Variants in AGK observed in about 807,000 individuals in gnomAD.
AGK encodes the protein acylglycerol kinase, mitochondrial.
In AGK, 52 loss-of-function variants were observed where a neutral mutation model predicts 66.4. The ratio of observed to expected loss-of-function variants is 0.78; its 90% confidence interval spans 0.63 to 0.99. AGK has a LOEUF of 0.99. Ranked by LOEUF, AGK falls within the 50% of genes least tolerant of loss-of-function variation. The probability of loss-of-function intolerance (pLI) is 0.00; values close to 1 mark genes in which losing one functional copy is unlikely to be tolerated. For missense variants in AGK, 451 were observed against 506.6 expected (o/e 0.89, Z 1.05); for synonymous variants, 182 against 181.1 (o/e 1.00, Z -0.04).
chr7:141,636,928 C>T, intron 10 of AGK, 32 bp from the exon 11 acceptor site: 1 of 1,571,214 alleles, frequency 6.4e-7, no homozygotes. Context: ...TTTTGATATT[C>T]TTATCAGATT....
chr7:141,628,328 T>C (rs769106698), intron 9 of AGK, among the ~76,000 whole-genome samples: 1 of 152,240 alleles, frequency 6.6e-6, no homozygotes, highest in Non-Finnish European at 1.5e-5. Context: ...AATCAGTTCC[T>C]AGAAAACGTG....
chr7:141,612,279 A>G (rs899014868), intron 6 of AGK, among the ~76,000 whole-genome samples: 5 of 152,216 alleles, frequency 3.3e-5, no homozygotes, highest in African/African-American at 4.8e-5. Flanking sequence ...AGGCAAAACT[A>G]TGGAGGCAGT....
At chr7:141,559,730 C>T (rs1042666035) in intron 2 of AGK, among the ~76,000 whole-genome samples, 3 of 152,000 alleles carry the variant, frequency 2.0e-5, no homozygotes, top group East Asian at 1.9e-4. Context: ...TTTATGAACA[C>T]GGGATGTCTT....
chr7:141,583,370 G>A (rs1025257124), intron 2 of AGK, among the ~76,000 whole-genome samples: 1 of 148,940 alleles, frequency 6.7e-6, no homozygotes, highest in Non-Finnish European at 1.5e-5. Flanking sequence ...GGGGGTGCTT[G>A]CCCCCCAGGA....
At chr7:141,646,333 C>T (rs1797412371) in intron 13 of AGK, among the ~76,000 whole-genome samples, 1 of 152,022 alleles carries the variant, frequency 6.6e-6, no homozygotes, top group African/African-American at 2.4e-5. Flanking sequence ...TCAGGAGAGT[C>T]AGTCCTCTCA....
At chr7:141,614,230 T>A in intron 7 of AGK, 52 bp downstream of exon 7, 1 of 1,326,200 alleles carries the variant, frequency 7.5e-7, no homozygotes, top group Non-Finnish European at 1.0e-6. Flanking sequence ...TGTTCTTTTT[T>A]ATTGCTTTTC....
chr7:141,628,802 A>G (rs1168744469), intron 9 of AGK, among the ~76,000 whole-genome samples: 2 of 152,234 alleles, frequency 1.3e-5, no homozygotes, highest in Admixed American at 6.5e-5. Flanking sequence ...TGCTTTGTCC[A>G]GGTGGCATCA....
At chr7:141,575,813 T>C (rs1236720387) in intron 2 of AGK, among the ~76,000 whole-genome samples, 1 of 152,078 alleles carries the variant, frequency 6.6e-6, no homozygotes, top group African/African-American at 2.4e-5. Context: ...GGTAAATTCA[T>C]ATCTCTGGGG....
At position 141,641,896 on chromosome 7, in the gene AGK, G is replaced by A. The variant is rs746403177; in HGVS notation, c.963G>A (p.Gln321=). ...TGTCCATCACAACACGGAATAATCAGCTTGACCCGACAGTAAGTGTGCTTT... is the reference window on the plus strand; with the variant it reads ...TGTCCATCACAACACGGAATAATCAACTTGACCCGACAGTAAGTGTGCTTT... ...IELSITTRNN[Q]LDPTSKEDFL... The change falls in exon 13 of 16, where the codon CAG becomes CAA. Residue 321 remains glutamine, a synonymous_variant. Coordinates refer to ENST00000649286, the MANE Select transcript of AGK (RefSeq NM_018238.4). 1 of 1,577,794 alleles carries A rather than the reference G, an allele frequency of 6.3e-7. No individual in the cohort carries two copies. Among genetic ancestry groups the A allele is most frequent in the African/African-American group, 1.3e-5 (1 of 74,668 alleles).
intron 8 of AGK, among the ~76,000 whole-genome samples, chr7:141,618,625 C>T (rs1796759275): frequency 6.6e-6 from 1 of 152,090 alleles, no homozygotes; most frequent in African/African-American, 2.4e-5. Flanking sequence ...CTAACTGCTT[C>T]ACCTAGAAAA....
intron 7 of AGK, 38 bp downstream of exon 7, chr7:141,614,216 T>C (rs762194391): frequency 7.0e-7 from 1 of 1,422,594 alleles, no homozygotes; most frequent in Non-Finnish European, 9.5e-7. Context: ...AACTTTTATT[T>C]TTCTGTTCTT....
intron 1 of AGK, among the ~76,000 whole-genome samples, chr7:141,554,338 T>TAA (rs77673587): frequency 2.1e-4 from 26 of 126,816 alleles, no homozygotes; most frequent in Middle Eastern, 4.2e-3. Context: ...AGACCCTGTC[T>TAA]AAAAAAAAAA....
chr7:141,564,063 T>G (rs2116861956), intron 2 of AGK, among the ~76,000 whole-genome samples: 1 of 152,258 alleles, frequency 6.6e-6, no homozygotes, highest in East Asian at 1.9e-4. Context: ...TGGGCTCAAG[T>G]GATCTTCCCA....
At chr7:141,639,815 G>T (rs941789274) in intron 11 of AGK, among the ~76,000 whole-genome samples, 1 of 152,154 alleles carries the variant, frequency 6.6e-6, no homozygotes, top group Non-Finnish European at 1.5e-5. Flanking sequence ...CTCAGCAGGA[G>T]TATCATTTTC....
intron 2 of AGK, among the ~76,000 whole-genome samples, chr7:141,559,561 G>A (rs1415078513): frequency 2.0e-5 from 3 of 151,950 alleles, no homozygotes; most frequent in Non-Finnish European, 2.9e-5. Context: ...TTCCATCCTT[G>A]TTCTTTTTCA....
chr7:141,603,777 C>A (rs979080637), intron 5 of AGK, among the ~76,000 whole-genome samples: 3 of 152,150 alleles, frequency 2.0e-5, no homozygotes, highest in African/African-American at 7.2e-5. Context: ...GCTGGCTGTC[C>A]CCTGGCTCAT....
At chr7:141,602,718 A>T (rs559013194) in intron 5 of AGK, among the ~76,000 whole-genome samples, 1 of 151,628 alleles carries the variant, frequency 6.6e-6, no homozygotes, top group African/African-American at 2.4e-5. Context: ...TTTTAAAAAA[A>T]TTTTTCTGCT....
chr7:141,562,864 G>A (rs572046765), intron 2 of AGK, among the ~76,000 whole-genome samples: 1 of 152,354 alleles, frequency 6.6e-6, no homozygotes, highest in South Asian at 2.1e-4. Context: ...TATAGTCAGG[G>A]ATGGCATCTT....
At chr7:141,582,527 G>A (rs1319849204) in intron 2 of AGK, among the ~76,000 whole-genome samples, 2 of 151,970 alleles carry the variant, frequency 1.3e-5, no homozygotes, top group African/African-American at 2.4e-5. Flanking sequence ...ACTGTATATT[G>A]AGAATAAGAC....
Sources: allele counts gnomAD v4.1 joint callset (sites outside exome capture counted in the v4.1 genomes callset), GRCh38; gene constraint gnomAD v4.1.1; transcripts MANE v1.5; gene names NCBI Gene and HGNC (gene_info 2026-07-23, HGNC 2026-07-21).